PKD1L3: variants seen among roughly 807,000 people sequenced by gnomAD.
PKD1L3 encodes the protein polycystin-1-like protein 3.
In PKD1L3, 239 loss-of-function variants were observed where a neutral mutation model predicts 184.1. That is an observed-to-expected ratio of 1.30 (90% CI 1.17 to 1.45). The LOEUF is 1.45. Ranked by LOEUF, PKD1L3 falls within the 40% of genes most tolerant of loss-of-function variation. The pLI is 0.00. For synonymous variants in PKD1L3, 996 were observed against 778.8 expected, an observed-to-expected ratio of 1.28 and a Z score of -4.64; for missense variants, 2,660 against 2,067.2, an observed-to-expected ratio of 1.29 and a Z score of -5.56.
chr16:71,998,240 G>A (rs769223767), intron 2 of PKD1L3, 32 bp downstream of exon 2: 1 of 1,550,448 alleles, frequency 6.4e-7, no homozygotes, highest in Non-Finnish European at 8.7e-7. Flanking sequence ...CTAAAATTTG[G>A]GTCTTTGGCA....
chr16:71,999,623 T>TC (rs2040901149), intron 1 of PKD1L3, 61 bp downstream of exon 1: 1 of 1,345,452 alleles, frequency 7.4e-7, no homozygotes. Flanking sequence ...CTTTTTTTTT[T>TC]CTGTCCCAGA....
intron 16 of PKD1L3, among the ~76,000 whole-genome samples, chr16:71,961,185 G>A (rs190398286): frequency 6.6e-6 from 1 of 152,156 alleles, no homozygotes; most frequent in Admixed American, 6.5e-5. Context: ...GGAGTGCAGT[G>A]GCGTGATCTC....
intron 4 of PKD1L3, among the ~76,000 whole-genome samples, chr16:71,990,051 C>T (rs1256304899): frequency 6.8e-6 from 1 of 147,538 alleles, no homozygotes; most frequent in African/African-American, 2.5e-5. Context: ...TGCACTCCAG[C>T]CTGGGTGACA....
chr16:71,979,887 T>C lies in PKD1L3; in HGVS notation c.1297A>G (p.Ser433Gly). The change falls in exon 9 of 30, where the codon AGC (serine) becomes GGC (glycine). Residue 433 changes from serine to glycine, a missense_variant. By Grantham distance (56) the Ser-to-Gly change is moderately conservative. Transcript: ENST00000620267. ...SRQNISTLPLSSYTLGHPAPV... is the reference protein window; with the variant it reads ...SRQNISTLPLGSYTLGHPAPV... ...GCTGGGTGACCCAGAGTGTAAGAGC[T>C]CAGCGGTAAAGTTGATATGTTTTGT... 1 of 1,548,950 alleles carries C rather than the reference T, an allele frequency of 6.5e-7. No homozygotes were observed. The highest frequency in any genetic ancestry group is 8.7e-7 in the Non-Finnish European group (1 of 1,146,472).
chr16:71,999,610 T>A, intron 1 of PKD1L3, 74 bp downstream of exon 1: 1 of 1,322,792 alleles, frequency 7.6e-7, no homozygotes, highest in South Asian at 2.0e-5. Flanking sequence ...AGATTAAGAT[T>A]TTCTTTTTTT....
chr16:71,950,014 T>A lies in PKD1L3; in HGVS notation c.3387A>T (p.Glu1129Asp). Residue 1129 changes from glutamate (E) to aspartate (D), a missense_variant, in exon 21 of 30, where the codon GAA becomes GAT. Glu to Asp is a conservative substitution (Grantham distance 45). Transcript: ENST00000620267. ...ILPTEQEPSREVTSFAILSSE... is the reference protein window; with the variant it reads ...ILPTEQEPSRDVTSFAILSSE... ...AGCTCAGGATGGCAAAACTGGTGACTTCCCTGAAGCACAAAAGTTGAGGGA... is the reference window on the plus strand; with the variant it reads ...AGCTCAGGATGGCAAAACTGGTGACATCCCTGAAGCACAAAAGTTGAGGGA... 6.4e-7 allele frequency: 1 copy of A among 1,551,500 alleles called. No individual in the cohort carries two copies. The highest frequency in any genetic ancestry group is 8.7e-7 in the Non-Finnish European group (1 of 1,146,974).
Position 71,993,256 on chromosome 16 carries a change from T to C in PKD1L3, c.495A>G (p.Thr165=), listed in dbSNP as rs1052185014. Residue 165 remains threonine (T), a synonymous_variant, in exon 3 of 30, where the codon ACA becomes ACG. Transcript: ENST00000620267. ...NSHLYQRHKK[T]KRGVAIARDK... ...CTCTTGCTATTGCAACTCCTCTTTT[T>C]GTCTTCTTGTGTCTCTGGTACAAAT... 4.5e-6 allele frequency: 7 copies of C among 1,550,810 alleles called. No individual in the cohort carries two copies. In the East Asian group the frequency reaches 1.7e-4, roughly 38 times the overall value.
chr16:71,989,575 G>T (rs577015172), intron 4 of PKD1L3, among the ~76,000 whole-genome samples: 3 of 152,244 alleles, frequency 2.0e-5, no homozygotes, highest in Non-Finnish European at 4.4e-5. Context: ...CAAGAATGCT[G>T]AGAGATTTCT....
chr16:71,949,101 T>C (rs986020769), intron 21 of PKD1L3, among the ~76,000 whole-genome samples: 2 of 152,178 alleles, frequency 1.3e-5, no homozygotes, highest in Admixed American at 1.3e-4. Flanking sequence ...GAGTTGGTTA[T>C]TGTTGAAGCT....
intron 5 of PKD1L3, among the ~76,000 whole-genome samples, chr16:71,985,776 A>T (rs1265695446): frequency 6.6e-6 from 1 of 152,160 alleles, no homozygotes; most frequent in Non-Finnish European, 1.5e-5. Context: ...TACGTTGCCC[A>T]GTCTGGTCTA....
chr16:71,945,286 A>ATATATATATCTATATATC (rs2038533478), intron 22 of PKD1L3, among the ~76,000 whole-genome samples: 2 of 60,144 alleles, frequency 3.3e-5, no homozygotes, highest in Admixed American at 2.2e-4. Flanking sequence ...ATATATATAT[A>ATATATATATCTATATATC]TATATATATA....
In PKD1L3 at chr16:71,969,892, G is replaced by C. The variant is rs2039644725; in HGVS notation, c.2167C>G (p.Gln723Glu). 1.3e-6 allele frequency: 2 copies of C among 1,549,750 alleles called. No homozygotes were observed. Among genetic ancestry groups the C allele is most frequent in the African/African-American group, 1.4e-5 (1 of 72,912 alleles). The change falls in exon 13 of 30, where the codon CAA becomes GAA. Residue 723 changes from glutamine to glutamate, a missense_variant. By Grantham distance (29) the Gln-to-Glu change is conservative. Coordinates refer to ENST00000620267, the MANE Select transcript of PKD1L3 (RefSeq NM_181536.2). ...ITVVWARKKD[Q>E]ADMQKVKVTV... Reference sequence around the variant, plus strand: ...CTCATTACCTTCTGCATATCTGCTTGATCCTTTTTCCGAGCCCACACAACT... The same window carrying C: ...CTCATTACCTTCTGCATATCTGCTTCATCCTTTTTCCGAGCCCACACAACT...
intron 26 of PKD1L3, 26 bp from the exon 27 acceptor site, chr16:71,934,151 C>A: frequency 2.6e-6 from 4 of 1,549,706 alleles, no homozygotes; most frequent in Non-Finnish European, 2.6e-6. Context: ...CTGACAGTTA[C>A]TCAGCAAGAA....
intron 5 of PKD1L3, among the ~76,000 whole-genome samples, chr16:71,984,995 T>C (rs182041547): frequency 6.6e-6 from 1 of 152,274 alleles, no homozygotes; most frequent in Non-Finnish European, 1.5e-5. Context: ...CTACTGCACT[T>C]GAACTCAAAG....
intron 28 of PKD1L3, chr16:71,930,941 C>T (rs1051078335): frequency 1.3e-5 from 2 of 152,142 alleles, no homozygotes; most frequent in East Asian, 3.9e-4. Context: ...TATTTTCAAG[C>T]ACCAAACTGT....
At chr16:71,991,207 T>G (rs1374190792) in intron 3 of PKD1L3, 2 of 220,300 alleles carry the variant, frequency 9.1e-6, no homozygotes, top group East Asian at 2.2e-4. Flanking sequence ...TACCTGATTT[T>G]ATCACCGGTT....
At chr16:71,956,094 G>T (rs1567511584) in intron 16 of PKD1L3, among the ~76,000 whole-genome samples, 2 of 151,694 alleles carry the variant, frequency 1.3e-5, no homozygotes, top group Non-Finnish European at 2.9e-5. Context: ...CTGAGCTCAA[G>T]TGATCCACTT....
chr16:71,939,295 G>A (rs918385418), intron 24 of PKD1L3, among the ~76,000 whole-genome samples: 1 of 152,202 alleles, frequency 6.6e-6, no homozygotes, highest in East Asian at 1.9e-4. Flanking sequence ...TCTGTACCTG[G>A]CTGTCTCTTG....
intron 23 of PKD1L3, among the ~76,000 whole-genome samples, chr16:71,943,651 C>A (rs1266978116): frequency 1.3e-5 from 2 of 151,572 alleles, no homozygotes; most frequent in African/African-American, 4.8e-5. Context: ...GAAGTGAAGT[C>A]ATGATAAAAG....
Sources: gnomAD v4.1 joint callset for allele counts (sites outside exome capture counted in the v4.1 genomes callset) on GRCh38, gnomAD v4.1.1 for gene constraint, MANE v1.5 for transcripts, NCBI Gene and HGNC (gene_info 2026-07-23, HGNC 2026-07-21) for gene names.